The following ADARB2 variants were observed in gnomAD, a reference collection of about 807,000 sequenced individuals.
ADARB2 encodes inactive double-stranded RNA-specific editase B2.
Under a neutral mutation model 62.2 loss-of-function variants are expected in ADARB2, and 25 were observed. That is an observed-to-expected ratio of 0.40 (90% confidence interval 0.29 to 0.56). The LOEUF is 0.56. Among genes scored for constraint, ADARB2 ranks in the 20% least tolerant of loss-of-function variants. The pLI is 0.43. For missense variants in ADARB2, 1,071 were observed against 1,077.4 expected (o/e 0.99, Z 0.08); for synonymous variants, 572 against 500.8 (o/e 1.14, Z -1.90).
rs11596620 is a variant in ADARB2, at chr10:1,286,652, C to T, written c.1078-15583G>A. Among the ~76,000 whole-genome samples, 948 of 152,252 alleles carry T rather than the reference C, an allele frequency of 6.2e-3. 14 individuals are homozygous for T. In the East Asian group the frequency reaches 0.086, roughly 14 times the overall value. On this transcript the variant is annotated intron_variant, in intron 3 of 9. Coordinates refer to ENST00000381312, the MANE Select transcript of ADARB2 (RefSeq NM_018702.4). ...CCTTCCCCCAGCTGCATGACCACTA[C>T]GGGGCAATTGGGGTCTCTGAGCCAC...
At chr10:1,234,867 G>C (rs1389911346) in intron 5 of ADARB2, among the ~76,000 whole-genome samples, 1 of 144,252 alleles carries the variant, frequency 6.9e-6, no homozygotes, top group Non-Finnish European at 1.5e-5. Flanking sequence ...TCCTGCCTCA[G>C]CCTCCTGAGT....
chr10:1,671,258 G>T (rs1179306332), intron 1 of ADARB2, among the ~76,000 whole-genome samples: 2 of 152,154 alleles, frequency 1.3e-5, no homozygotes, highest in Non-Finnish European at 2.9e-5. Context: ...AGAGGTCTGT[G>T]CTCCGCTCCT....
At chr10:1,402,497 C>T (rs547877931) in intron 1 of ADARB2, among the ~76,000 whole-genome samples, 5 of 152,276 alleles carry the variant, frequency 3.3e-5, no homozygotes, top group African/African-American at 1.2e-4. Context: ...CCTGGAAATG[C>T]GGGCTGGTGC....
At chr10:1,616,866 A>C (rs564452483) in intron 1 of ADARB2, among the ~76,000 whole-genome samples, 13 of 138,744 alleles carry the variant, frequency 9.4e-5, no homozygotes, top group South Asian at 2.4e-4. Context: ...TGTGCTCTGC[A>C]TCCTGGGAAC....
In ADARB2 at chr10:1,398,599, A is replaced by G. The variant is rs74341107; in HGVS notation, c.101-19439T>C. On this transcript the variant is annotated intron_variant, in intron 1 of 9. Coordinates refer to ENST00000381312, the MANE Select transcript of ADARB2 (RefSeq NM_018702.4). This position sits in a 1 kb window ranked among gnomAD's most constrained non-coding sequence, Gnocchi z 4.1. The stretch of plus-strand genomic sequence containing the variant: ...TCTGGTGCGGAGGTAAGACAACTCA[A>G]AAACGTGTATTTGCCGTTTCTTTCT... 6.6e-6 allele frequency among the ~76,000 whole-genome samples: 1 copy of G among 152,348 alleles called. No individual in the cohort carries two copies. The highest frequency in any genetic ancestry group is 1.5e-5 in the Non-Finnish European group (1 of 68,026).
intron 1 of ADARB2, among the ~76,000 whole-genome samples, chr10:1,634,006 C>T (rs2119048404): frequency 6.6e-6 from 1 of 152,300 alleles, no homozygotes; most frequent in South Asian, 2.1e-4. Context: ...CTCGTCTCCA[C>T]CCTCTCTTCA....
At chr10:1,600,593 C>A (rs991280386) in intron 1 of ADARB2, among the ~76,000 whole-genome samples, 1 of 128,926 alleles carries the variant, frequency 7.8e-6, no homozygotes, top group East Asian at 2.6e-4. Flanking sequence ...ACTCAGGAGG[C>A]GGAGGCTGCA....
intron 6 of ADARB2, among the ~76,000 whole-genome samples, chr10:1,224,728 G>T (rs1481779404): frequency 6.6e-6 from 1 of 152,224 alleles, no homozygotes; most frequent in African/African-American, 2.4e-5. Flanking sequence ...CCACGTAGTT[G>T]AGTGGTTTTG....
At chr10:1,711,790 A>C (rs1834951534) in intron 1 of ADARB2, among the ~76,000 whole-genome samples, 1 of 152,224 alleles carries the variant, frequency 6.6e-6, no homozygotes, top group Admixed American at 6.5e-5. Flanking sequence ...ATAGATTTAC[A>C]TGCACAGCTT....
At chr10:1,351,245 C>CT (rs1832134691) in intron 3 of ADARB2, among the ~76,000 whole-genome samples, 1 of 152,214 alleles carries the variant, frequency 6.6e-6, no homozygotes, top group Non-Finnish European at 1.5e-5. Flanking sequence ...ACCTCAGAAG[C>CT]CTCCTGGACC....
chr10:1,693,248 C>T lies in ADARB2; in HGVS notation c.100+43803G>A, dbSNP rs1420809236. 1.1e-4 allele frequency among the ~76,000 whole-genome samples: 16 copies of T among 152,148 alleles called. 1 individual carries two copies. The highest frequency in any genetic ancestry group is 8.3e-4 in the South Asian group (4 of 4,828). On this transcript the variant is annotated intron_variant, in intron 1 of 9. Transcript: ENST00000381312. ...GGCCTTGGCAACAATCCCTACTCAGCGCTTCATTTTCCACATGAACAATCT... is the reference window on the plus strand; with the variant it reads ...GGCCTTGGCAACAATCCCTACTCAGTGCTTCATTTTCCACATGAACAATCT...
intron 1 of ADARB2, among the ~76,000 whole-genome samples, chr10:1,499,240 C>T (rs984534061): frequency 2.0e-5 from 3 of 150,474 alleles, no homozygotes; most frequent in Admixed American, 6.8e-5. Flanking sequence ...GCTCATTACT[C>T]ATGCATCATT....
intron 1 of ADARB2, among the ~76,000 whole-genome samples, chr10:1,440,228 G>A (rs952278025): frequency 1.3e-5 from 2 of 152,084 alleles, no homozygotes; most frequent in African/African-American, 4.8e-5. Context: ...CTGAGTCTCC[G>A]CTGCACATTA....
intron 3 of ADARB2, among the ~76,000 whole-genome samples, chr10:1,298,720 ATTT>A (rs75978268): frequency 9.0e-6 from 1 of 110,764 alleles, no homozygotes; most frequent in Non-Finnish European, 1.8e-5. Context: ...TGCGACGGGA[ATTT>A]TTTTTTTTTT....
Position 1,199,897 on chromosome 10 carries a change from G to A in ADARB2, c.1864+69C>T, listed in dbSNP as rs538042861. 7.8e-6 allele frequency: 11 copies of A among 1,412,830 alleles called. No homozygotes were observed. The East Asian group carries it at 1.0e-4, about 13-fold the overall frequency. 87.5% of individuals were successfully genotyped at this position (1,412,830 alleles called of 1,614,324 possible). Reference sequence around the variant, plus strand: ...GATGAAGTCTGCGAGGGATGGCACCGCCGGGCACACCTGTGTCTGGCCTGG... The same window carrying A: ...GATGAAGTCTGCGAGGGATGGCACCACCGGGCACACCTGTGTCTGGCCTGG... On this transcript the variant is annotated intron_variant, in intron 8 of 9. Transcript: ENST00000381312.
chr10:1,211,294 T>TATGTATC (rs1491422056), intron 7 of ADARB2, among the ~76,000 whole-genome samples: 10 of 150,968 alleles, frequency 6.6e-5, no homozygotes, highest in South Asian at 4.3e-4. Flanking sequence ...ATCTATAATC[T>TATGTATC]ATGTATCATC....
intron 2 of ADARB2, among the ~76,000 whole-genome samples, chr10:1,369,089 G>A (rs570724013): frequency 2.1e-4 from 32 of 152,284 alleles, no homozygotes; most frequent in African/African-American, 3.9e-4. Context: ...CAGCTTTAAC[G>A]CCGACTTTAC....
At chr10:1,501,548 T>C (rs890196073) in intron 1 of ADARB2, among the ~76,000 whole-genome samples, 4 of 152,146 alleles carry the variant, frequency 2.6e-5, no homozygotes, top group Non-Finnish European at 4.4e-5. Flanking sequence ...CACAAACCAA[T>C]TCATGTGTCT....
Position 1,258,372 on chromosome 10 carries a change from A to T in ADARB2, c.1192+12583T>A, listed in dbSNP as rs535330605. ...AAAAGGCACAGACTGGCAAATTGGA[A>T]AAAGAGTCAAGACCCATCAGTGTGC... On this transcript the variant is annotated intron_variant, in intron 4 of 9. Transcript: ENST00000381312. 1.1e-3 allele frequency among the ~76,000 whole-genome samples: 167 copies of T among 152,250 alleles called. 2 individuals are homozygous for T. Among genetic ancestry groups the T allele is most frequent in the Admixed American group, 2.6e-3 (39 of 15,288 alleles).
Sources: allele counts gnomAD v4.1 joint callset (sites outside exome capture counted in the v4.1 genomes callset), GRCh38; gene constraint gnomAD v4.1.1; non-coding constraint Gnocchi (gnomAD v3.1); transcripts MANE v1.5; gene names NCBI Gene and HGNC (gene_info 2026-07-23, HGNC 2026-07-21).